The following SLC7A7 variants were observed in gnomAD, a reference collection of about 807,000 sequenced individuals.
SLC7A7 encodes solute carrier family 7 member 7.
A neutral mutation model predicts 47.9 loss-of-function variants in SLC7A7; 39 were observed. The observed-to-expected ratio is 0.81, with a 90% confidence interval of 0.63 to 1.06. SLC7A7 has a LOEUF of 1.06. Among genes scored for constraint, SLC7A7 ranks in the 50% least tolerant of loss-of-function variants. The probability of loss-of-function intolerance (pLI) is 0.00; values close to 1 mark genes in which losing one functional copy is unlikely to be tolerated. For synonymous variants in SLC7A7, 234 were observed against 242.8 expected, an observed-to-expected ratio of 0.96 and a Z score of 0.34; for missense variants, 588 against 632.0, an observed-to-expected ratio of 0.93 and a Z score of 0.75.
chr14:22,788,705 G>GAA (rs199558705), intron 2 of SLC7A7, among the ~76,000 whole-genome samples: 9 of 118,832 alleles, frequency 7.6e-5, no homozygotes, highest in East Asian at 2.5e-4. Flanking sequence ...CTCTGTCTGG[G>GAA]AAAAAAAAAA....
rs181492333 is a variant in SLC7A7 at position 22,797,413 on chromosome 14, C to T, written c.499+15487G>A. The stretch of plus-strand genomic sequence containing the variant: ...AACTCAGAATTCCTTCACTCACTCA[C>T]TCATTCATTCATTCATTAAGCTTAT... On this transcript the variant is annotated intron_variant, in intron 2 of 9. Transcript: ENST00000674313. Among the ~76,000 whole-genome samples the T allele has an allele frequency of 2.1e-3, 324 of 152,324 alleles. 1 individual carries two copies. Among genetic ancestry groups the T allele is most frequent in the African/African-American group, 7.5e-3 (312 of 41,574 alleles).
At chr14:22,809,974 G>A (rs12892590) in intron 2 of SLC7A7, among the ~76,000 whole-genome samples, 5 of 148,116 alleles carry the variant, frequency 3.4e-5, no homozygotes, top group Non-Finnish European at 5.9e-5. Context: ...GGGAGGCGGA[G>A]GTTGCAGTGA....
intron 2 of SLC7A7, among the ~76,000 whole-genome samples, chr14:22,801,067 C>G (rs1239380440): frequency 6.6e-6 from 1 of 152,170 alleles, no homozygotes; most frequent in Non-Finnish European, 1.5e-5. Context: ...AAGCCCTTCC[C>G]AAATTTCTAA....
intron 7 of SLC7A7, 130 bp from the exon 8 acceptor site, chr14:22,774,633 T>C: frequency 8.5e-7 from 1 of 1,180,960 alleles, no homozygotes. Context: ...CTGGTTTTAA[T>C]CCCTTTAACA....
In SLC7A7 at chr14:22,783,597, C is replaced by T. The variant is rs953305431; in HGVS notation, c.500-3546G>A. Among the ~76,000 whole-genome samples the T allele has an allele frequency of 3.9e-5, 6 of 151,936 alleles. No homozygotes were observed. In the East Asian group the frequency reaches 9.7e-4, roughly 25 times the overall value. On this transcript the variant is annotated intron_variant, in intron 2 of 9. Coordinates refer to ENST00000674313, the MANE Select transcript of SLC7A7 (RefSeq NM_003982.4). ...TGTATTTTTAGTAGAGACAGGGTTT[C>T]GCCATGTTAGCCAGACTAGTCTCAA...
intron 5 of SLC7A7, 24 bp downstream of exon 5, chr14:22,776,171 C>T (rs2038601460): frequency 6.2e-7 from 1 of 1,614,158 alleles, no homozygotes; most frequent in Non-Finnish European, 8.5e-7. Flanking sequence ...CACCCTCAAC[C>T]TTCTGCTAGT....
At chr14:22,806,398 T>C (rs2039210396) in intron 2 of SLC7A7, among the ~76,000 whole-genome samples, 1 of 151,594 alleles carries the variant, frequency 6.6e-6, no homozygotes, top group Admixed American at 6.6e-5. Context: ...GGTTTCACCA[T>C]ATCGACCTCT....
At position 22,773,614 on chromosome 14, in the gene SLC7A7, T is replaced by A. The variant is rs923704958; in HGVS notation, c.1532A>T (p.Asn511Ile). 9 of 1,613,106 alleles carry A rather than the reference T, an allele frequency of 5.6e-6. No individual in the cohort carries two copies. Among genetic ancestry groups the A allele is most frequent in the Non-Finnish European group, 7.6e-6 (9 of 1,179,022 alleles). ...CATCAGGATTCCAGATGGTGTTTAGTTAGATTTGGGATCCCGTTGCTTGGG... is the reference window on the plus strand; with the variant it reads ...CATCAGGATTCCAGATGGTGTTTAGATAGATTTGGGATCCCGTTGCTTGGG... ...EMPKQRDPKS[N>I] is the part of the protein sequence containing the mutation. Residue 511 changes from asparagine (N) to isoleucine (I), a missense_variant, in exon 10 of 10, where the codon AAC becomes ATC. By Grantham distance (149) the Asn-to-Ile change is moderately radical. Transcript: ENST00000674313.
chr14:22,789,285 C>A (rs557641608), intron 2 of SLC7A7, among the ~76,000 whole-genome samples: 8 of 152,242 alleles, frequency 5.3e-5, no homozygotes, highest in African/African-American at 1.9e-4. Flanking sequence ...TCCCTGGAAC[C>A]TGTGAGCCAT....
intron 2 of SLC7A7, among the ~76,000 whole-genome samples, chr14:22,782,816 A>G (rs1425069900): frequency 1.3e-5 from 2 of 151,478 alleles, no homozygotes; most frequent in East Asian, 1.9e-4. Context: ...AAGCCAGAGT[A>G]CAGTGGAGAA....
intron 2 of SLC7A7, among the ~76,000 whole-genome samples, chr14:22,801,932 G>A (rs1309573748): frequency 6.6e-6 from 1 of 152,200 alleles, no homozygotes; most frequent in East Asian, 1.9e-4. Context: ...GCAAATACTT[G>A]TTGAATGTTT....
At chr14:22,815,230 G>A (rs934405925) in intron 1 of SLC7A7, 90 bp downstream of exon 1, 12 of 388,640 alleles carry the variant, frequency 3.1e-5, no homozygotes, top group Non-Finnish European at 5.2e-5. Flanking sequence ...AGAGGCACTC[G>A]GGAGAAGAAG....
chr14:22,796,197 G>T (rs1217857796), intron 2 of SLC7A7, among the ~76,000 whole-genome samples: 1 of 149,356 alleles, frequency 6.7e-6, no homozygotes, highest in East Asian at 1.9e-4. Flanking sequence ...AAGTCCGTTG[G>T]GGGGCCCAGC....
chr14:22,809,964 G>A (rs11157836), intron 2 of SLC7A7, among the ~76,000 whole-genome samples: 27,698 of 147,534 alleles, frequency 0.19, 2,610 homozygotes, highest in Middle Eastern at 0.23. Flanking sequence ...GCTGGAACTC[G>A]GGAGGCGGAG....
upstream of SLC7A7, chr14:22,817,272 A>G: frequency 3.7e-6 from 1 of 267,780 alleles, no homozygotes; most frequent in Middle Eastern, 4.6e-4. Flanking sequence ...CAGCCTCCTG[A>G]GTAACTAGGA....
chr14:22,818,581 TG>T (rs1208917716), upstream of SLC7A7, among the ~76,000 whole-genome samples: 424 of 104,180 alleles, frequency 4.1e-3, 6 homozygotes, highest in African/African-American at 0.013. Flanking sequence ...CCCAGGTTTT[TG>T]GTTTTTTTTT....
chr14:22,813,446 A>G lies in SLC7A7; in HGVS notation c.-42-6T>C. 1 of 1,601,176 alleles carries G rather than the reference A, an allele frequency of 6.2e-7. No homozygotes were observed. The highest frequency in any genetic ancestry group is 8.5e-7 in the Non-Finnish European group (1 of 1,179,518). ...ACCAGCTTCCTGGCATTGCCCTTTA[A>G]GGAAGAAAGATGATGCTATAGATTA... On this transcript the variant is annotated splice_region_variant and splice_polypyrimidine_tract_variant and intron_variant, in intron 1 of 9. Coordinates refer to ENST00000674313, the MANE Select transcript of SLC7A7 (RefSeq NM_003982.4).
rs1040738469 is a variant in SLC7A7 at position 22,813,301 on chromosome 14, A to T, written c.98T>A (p.Leu33Gln). Residue 33 changes from leucine to glutamine, a missense_variant, in exon 2 of 10, where the codon CTG (leucine) becomes CAG (glutamine). Physicochemically the swap from Leu to Gln is moderately radical, Grantham distance 113. Coordinates refer to ENST00000674313, the MANE Select transcript of SLC7A7 (RefSeq NM_003982.4). ...GASPGPEQVK[L>Q]KKEISLLNGV... ...GTTAAGCAGTGAGATCTCCTTCTTC[A>T]GCTTCACCTGCTCCGGCCCTGGGCT... 2.5e-5 allele frequency: 41 copies of T among 1,614,060 alleles called. No individual in the cohort carries two copies. The highest frequency in any genetic ancestry group is 3.5e-5 in the Non-Finnish European group (41 of 1,180,042).
chr14:22,785,240 T>C (rs1566446822), intron 2 of SLC7A7, among the ~76,000 whole-genome samples: 1 of 152,148 alleles, frequency 6.6e-6, no homozygotes, highest in Non-Finnish European at 1.5e-5. Flanking sequence ...ATCACGCCAC[T>C]GCACTCCAGC....
Sources: gnomAD v4.1 joint callset for allele counts (sites outside exome capture counted in the v4.1 genomes callset) on GRCh38, gnomAD v4.1.1 for gene constraint, MANE v1.5 for transcripts, NCBI Gene and HGNC (gene_info 2026-07-23, HGNC 2026-07-21) for gene names.